Variants in CASR observed in about 807,000 individuals in gnomAD.
CASR encodes extracellular calcium-sensing receptor.
Under a neutral mutation model 69.1 loss-of-function variants are expected in CASR, and 23 were observed. The ratio of observed to expected loss-of-function variants is 0.33; its 90% confidence interval spans 0.24 to 0.47. The LOEUF (loss-of-function observed/expected upper bound fraction) is 0.47, where lower values mean the gene tolerates loss of function less well. CASR is among the 20% of genes least tolerant of loss of function. The probability of loss-of-function intolerance (pLI) is 1.00; values close to 1 mark genes in which losing one functional copy is unlikely to be tolerated. For missense variants in CASR, 924 were observed against 1,356.1 expected (o/e 0.68, Z 5.00); for synonymous variants, 541 against 544.7 (o/e 0.99, Z 0.10).
intron 1 of CASR, among the ~76,000 whole-genome samples, chr3:122,220,145 G>GAGAGA (rs1437603862): frequency 2.6e-5 from 4 of 152,206 alleles, no homozygotes; most frequent in Non-Finnish European, 5.9e-5. Context: ...TTTTTAAAAA[G>GAGAGA]AGAGAAGAGA....
intron 1 of CASR, among the ~76,000 whole-genome samples, chr3:122,252,855 G>A (rs1418587570): frequency 1.3e-5 from 2 of 152,154 alleles, no homozygotes; most frequent in Non-Finnish European, 2.9e-5. Context: ...TGTCCAGTTG[G>A]CAGTCCAGTG....
chr3:122,192,330 A>G (rs2073847656), intron 1 of CASR, among the ~76,000 whole-genome samples: 1 of 152,242 alleles, frequency 6.6e-6, no homozygotes, highest in Non-Finnish European at 1.5e-5. Context: ...AGAGTATCTA[A>G]CATATAGGGC....
intron 3 of CASR, 135 bp from the exon 4 acceptor site, chr3:122,261,393 T>C: frequency 1.2e-6 from 1 of 813,412 alleles, no homozygotes. Context: ...TTTCATCCTG[T>C]ATACAGTGAA....
At chr3:122,226,350 A>G (rs1176305276) in intron 1 of CASR, among the ~76,000 whole-genome samples, 1 of 151,600 alleles carries the variant, frequency 6.6e-6, no homozygotes, top group Admixed American at 6.6e-5. Context: ...CGGTGGGTTC[A>G]TGGTCTTGAT....
At chr3:122,217,938 G>T (rs569872983) in intron 1 of CASR, among the ~76,000 whole-genome samples, 3 of 152,072 alleles carry the variant, frequency 2.0e-5, no homozygotes, top group Admixed American at 2.0e-4. Context: ...AGAGTGAGGG[G>T]GTGTGGAGCA....
At chr3:122,259,113 G>T (rs1005067324) in intron 3 of CASR, among the ~76,000 whole-genome samples, 11 of 152,156 alleles carry the variant, frequency 7.2e-5, no homozygotes, top group African/African-American at 2.7e-4. Context: ...TTTTTGGGGG[G>T]TTGGGGCACA....
chr3:122,283,909 ACCT>A lies in CASR; in HGVS notation c.1963_1965del (p.Leu655del). 2 of 1,613,164 alleles carry A rather than the reference ACCT, an allele frequency of 1.2e-6. No homozygotes were observed. Among genetic ancestry groups the A allele is most frequent in the Non-Finnish European group, 8.5e-7 (1 of 1,179,786 alleles). On this transcript the variant is annotated inframe_deletion, in exon 7 of 7. Coordinates refer to ENST00000639785, the MANE Select transcript of CASR (RefSeq NM_000388.4). Reference sequence around the variant, plus strand: ...AAGGCCACCAACCGAGAGCTCTCCTACCTCCTCCTCTTCTCCCTGCTCTGCTGC... The same window carrying A: ...AAGGCCACCAACCGAGAGCTCTCCTACCTCCTCTTCTCCCTGCTCTGCTGC...
At chr3:122,272,756 A>G (rs2074774752) in intron 4 of CASR, among the ~76,000 whole-genome samples, 1 of 152,354 alleles carries the variant, frequency 6.6e-6, no homozygotes, top group Admixed American at 6.5e-5. Flanking sequence ...ATACTCTGTA[A>G]ATATTTCCTG....
intron 1 of CASR, among the ~76,000 whole-genome samples, chr3:122,239,385 A>G (rs2074359256): frequency 6.6e-6 from 1 of 152,228 alleles, no homozygotes; most frequent in Non-Finnish European, 1.5e-5. Flanking sequence ...TTTAAGGGCC[A>G]GCTTAGATGC....
intron 1 of CASR, among the ~76,000 whole-genome samples, chr3:122,233,633 T>G (rs895181982): frequency 6.6e-6 from 1 of 152,232 alleles, no homozygotes; most frequent in Non-Finnish European, 1.5e-5. Context: ...TCACTTGAAG[T>G]CTGGGCTTCC....
Position 122,252,400 on chromosome 3 carries a change from A to AAGGAAGGT in CASR, c.-242-1541_-242-1540insTAGGAAGG, listed in dbSNP as rs1553765644. ...GAAGGAAGGAAGGAAGGAAGGAAGG[A>AAGGAAGGT]AGGAAGGAAAAAGAAAGAAAGAAAG... On this transcript the variant is annotated intron_variant, in intron 1 of 6. Coordinates refer to ENST00000639785, the MANE Select transcript of CASR (RefSeq NM_000388.4). 4.5e-3 allele frequency among the ~76,000 whole-genome samples: 231 copies of AAGGAAGGT among 51,254 alleles called. 10 individuals are homozygous for AAGGAAGGT. The highest frequency in any genetic ancestry group is 0.017 in the Middle Eastern group (2 of 116). 33.6% of individuals were successfully genotyped at this position (51,254 alleles called of 152,430 possible).
At chr3:122,226,125 C>T (rs1311677041) in intron 1 of CASR, among the ~76,000 whole-genome samples, 1 of 152,160 alleles carries the variant, frequency 6.6e-6, no homozygotes, top group African/African-American at 2.4e-5. Flanking sequence ...CTCTTGGTCT[C>T]ACTGACCAAG....
intron 1 of CASR, among the ~76,000 whole-genome samples, chr3:122,234,074 G>A (rs2074304924): frequency 6.6e-6 from 1 of 152,216 alleles, no homozygotes; most frequent in African/African-American, 2.4e-5. Flanking sequence ...ACTTGGAGAA[G>A]CCATTGCTCA....
chr3:122,236,815 T>C (rs1292378589), intron 1 of CASR, among the ~76,000 whole-genome samples: 1 of 152,134 alleles, frequency 6.6e-6, no homozygotes, highest in African/African-American at 2.4e-5. Flanking sequence ...TTAACAAATA[T>C]ATCTAGAAAA....
intron 1 of CASR, among the ~76,000 whole-genome samples, chr3:122,211,808 A>G (rs1398983565): frequency 6.6e-6 from 1 of 152,228 alleles, no homozygotes; most frequent in Non-Finnish European, 1.5e-5. Flanking sequence ...AACATGAAAA[A>G]AAGTTCAACA....
At chr3:122,209,016 G>A (rs1005961952) in intron 1 of CASR, among the ~76,000 whole-genome samples, 60 of 152,080 alleles carry the variant, frequency 3.9e-4, no homozygotes, top group Non-Finnish European at 2.8e-4. Flanking sequence ...AACCTTGAGG[G>A]CAGGATTTCT....
chr3:122,251,387 G>T (rs1306434238), intron 1 of CASR, among the ~76,000 whole-genome samples: 1 of 152,130 alleles, frequency 6.6e-6, no homozygotes, highest in East Asian at 1.9e-4. Flanking sequence ...CTTGCAAATT[G>T]CTTACTGCAC....
intron 1 of CASR, among the ~76,000 whole-genome samples, chr3:122,221,572 G>A (rs935581490): frequency 2.0e-5 from 3 of 152,204 alleles, no homozygotes; most frequent in African/African-American, 7.2e-5. Context: ...CTTGAGAACT[G>A]AACCCCAAAC....
At chr3:122,201,198 G>C (rs1327431910) in intron 1 of CASR, among the ~76,000 whole-genome samples, 1 of 151,992 alleles carries the variant, frequency 6.6e-6, no homozygotes, top group African/African-American at 2.4e-5. Flanking sequence ...GAGTGGTGAC[G>C]ACTCCCAACG....
Sources: allele counts gnomAD v4.1 joint callset (sites outside exome capture counted in the v4.1 genomes callset), GRCh38; gene constraint gnomAD v4.1.1; transcripts MANE v1.5; gene names NCBI Gene and HGNC (gene_info 2026-07-23, HGNC 2026-07-21).